NAV2: variants seen among roughly 807,000 people sequenced by gnomAD.
The protein encoded by NAV2 is helicase, APC down-regulated 1.
In NAV2, 54 loss-of-function variants were observed where a neutral mutation model predicts 223.2. The ratio of observed to expected loss-of-function variants is 0.24; its 90% CI spans 0.19 to 0.30. NAV2 has a LOEUF of 0.30. Ranked by LOEUF, NAV2 falls within the 10% of genes least tolerant of loss-of-function variation. NAV2 has a pLI of 1.00. For synonymous variants in NAV2, 1,279 were observed against 1,239.3 expected (o/e 1.03, Z -0.67); for missense variants, 2,806 against 3,147.5 (o/e 0.89, Z 2.60).
intron 1 of NAV2, among the ~76,000 whole-genome samples, chr11:19,578,935 C>G (rs1008877902): frequency 6.6e-6 from 1 of 152,108 alleles, no homozygotes; most frequent in Non-Finnish European, 1.5e-5. Flanking sequence ...TGTTCACACA[C>G]CCAAGATTAC....
In NAV2 at chr11:19,391,154, C is replaced by T. The variant is rs573262166; in HGVS notation, c.75+40127C>T. ...TTGCTCACACTGCCTCCTGCTGCCC[C>T]GGTCTCTCATTCTGATTAAACCTCA... On this transcript the variant is annotated intron_variant, in intron 1 of 37. Coordinates refer to the NAV2 transcript ENST00000360655. Among the ~76,000 whole-genome samples, 39 of 152,258 alleles carry T rather than the reference C, an allele frequency of 2.6e-4. 1 individual carries two copies. The South Asian group carries it at 4.4e-3, about 17-fold the overall frequency.
At chr11:19,348,991 A>T (rs965229398), upstream of NAV2, among the ~76,000 whole-genome samples, 3 of 152,194 alleles carry the variant, frequency 2.0e-5, no homozygotes, top group Non-Finnish European at 4.4e-5. Flanking sequence ...TTTGCAAAGG[A>T]TCCCTTGAAG....
upstream of NAV2, among the ~76,000 whole-genome samples, chr11:19,348,121 C>T (rs979568718): frequency 1.3e-5 from 2 of 152,174 alleles, no homozygotes; most frequent in African/African-American, 2.4e-5. Context: ...GTGGCGAGAG[C>T]GTCTGTCCCC....
At chr11:19,838,976 C>G (rs1411378763) in intron 2 of NAV2, among the ~76,000 whole-genome samples, 2 of 152,186 alleles carry the variant, frequency 1.3e-5, no homozygotes, top group South Asian at 2.1e-4. Context: ...CCAGACACCC[C>G]TGGAGCTGGG....
intron 18 of NAV2, 131 bp downstream of exon 18, chr11:20,054,371 A>G: frequency 1.2e-6 from 1 of 829,324 alleles, no homozygotes; most frequent in Non-Finnish European, 1.8e-6. Flanking sequence ...TAAGTTCTTT[A>G]GTGGTGATTT....
intron 7 of NAV2, among the ~76,000 whole-genome samples, chr11:19,938,060 C>A (rs1441918876): frequency 1.3e-5 from 2 of 152,038 alleles, no homozygotes; most frequent in Admixed American, 1.3e-4. Context: ...CAAAGATAAA[C>A]CTGTTAAAGC....
rs61876699 is a variant in NAV2, at chr11:19,652,635, G to A, written c.76-179849G>A. On this transcript the variant is annotated intron_variant, in intron 1 of 37. Coordinates refer to the NAV2 transcript ENST00000360655. The stretch of plus-strand genomic sequence containing the variant: ...AATCACTAGCACAGAAGGATGCGTG[G>A]TAAAAAGCACAAGTGTCGCTTTATC... 3.1e-3 allele frequency among the ~76,000 whole-genome samples: 471 copies of A among 152,276 alleles called. 4 individuals carry two copies. Among genetic ancestry groups the A allele is most frequent in the Non-Finnish European group, 5.1e-3 (344 of 68,032 alleles).
At chr11:19,999,461 C>A (rs1003179234) in intron 11 of NAV2, among the ~76,000 whole-genome samples, 1 of 152,166 alleles carries the variant, frequency 6.6e-6, no homozygotes, top group Admixed American at 6.5e-5. Context: ...CTCAGCCTCC[C>A]GGATTCAAGC....
intron 1 of NAV2, among the ~76,000 whole-genome samples, chr11:19,683,325 C>A (rs1437308275): frequency 1.3e-5 from 2 of 152,174 alleles, no homozygotes; most frequent in African/African-American, 2.4e-5. Flanking sequence ...AGCCTCATGG[C>A]AGCAGCTTAG....
At chr11:19,947,817 T>TG (rs1423282167) in intron 9 of NAV2, among the ~76,000 whole-genome samples, 1 of 152,084 alleles carries the variant, frequency 6.6e-6, no homozygotes, top group Non-Finnish European at 1.5e-5. Flanking sequence ...GCTTTTTGGA[T>TG]GAAATATGAG....
intron 1 of NAV2, among the ~76,000 whole-genome samples, chr11:19,481,546 C>G (rs1213139263): frequency 6.6e-6 from 1 of 152,214 alleles, no homozygotes; most frequent in Non-Finnish European, 1.5e-5. Flanking sequence ...GGGCAAAATA[C>G]TTAAGCCCTC....
At chr11:19,603,886 C>G (rs2046412753) in intron 1 of NAV2, among the ~76,000 whole-genome samples, 1 of 151,660 alleles carries the variant, frequency 6.6e-6, no homozygotes, top group South Asian at 2.1e-4. Context: ...TTGAGTAGAG[C>G]CTGAAGGAAG....
chr11:19,915,587 T>A (rs538530106), intron 6 of NAV2, among the ~76,000 whole-genome samples: 1 of 152,350 alleles, frequency 6.6e-6, no homozygotes, highest in South Asian at 2.1e-4. Flanking sequence ...CTCATCCTTC[T>A]TCCCACCAAG....
chr11:19,461,499 A>G (rs887124704), intron 1 of NAV2, among the ~76,000 whole-genome samples: 1 of 152,184 alleles, frequency 6.6e-6, no homozygotes, highest in Non-Finnish European at 1.5e-5. Flanking sequence ...GTTTCTACCC[A>G]CTGTGTAATT....
In NAV2 at chr11:20,107,723, G is replaced by A. The variant is rs1376089508; in HGVS notation, c.6901G>A (p.Asp2301Asn). The change falls in exon 36 of 38, where the codon GAC (aspartate) becomes AAC (asparagine). Residue 2301 changes from aspartate (D) to asparagine (N), a missense_variant. Coordinates refer to ENST00000349880, the MANE Select transcript of NAV2 (RefSeq NM_145117.5). Reference sequence around the variant, plus strand: ...GGACGGCTCGAGAGTGTGGTTCACCGACTTGTGGAACTATTCCATTATCCC... The same window carrying A: ...GGACGGCTCGAGAGTGTGGTTCACCAACTTGTGGAACTATTCCATTATCCC... ...DVDGSRVWFT[D>N]LWNYSIIPYL... is the part of the protein sequence containing the mutation. 6 of 1,614,044 alleles carry A rather than the reference G, an allele frequency of 3.7e-6. No individual in the cohort carries two copies. The highest frequency in any genetic ancestry group is 1.1e-5 in the South Asian group (1 of 91,084).
chr11:19,619,049 G>A (rs1412437028), intron 1 of NAV2, among the ~76,000 whole-genome samples: 1 of 146,944 alleles, frequency 6.8e-6, no homozygotes, highest in Admixed American at 6.9e-5. Context: ...CAGAATGATG[G>A]TTTCAATCTT....
intron 1 of NAV2, among the ~76,000 whole-genome samples, chr11:19,721,038 A>G (rs2050708565): frequency 6.6e-6 from 1 of 152,236 alleles, no homozygotes. Context: ...ACCAGGGCTG[A>G]CAGAGGTGAA....
intron 1 of NAV2, among the ~76,000 whole-genome samples, chr11:19,719,798 G>A (rs766394664): frequency 6.6e-6 from 1 of 152,184 alleles, no homozygotes; most frequent in Non-Finnish European, 1.5e-5. Context: ...GTCATATCTC[G>A]AGTTGTTAAT....
At chr11:19,755,985 A>G (rs1018632845) in intron 1 of NAV2, among the ~76,000 whole-genome samples, 100 of 152,230 alleles carry the variant, frequency 6.6e-4, no homozygotes, top group African/African-American at 2.4e-3. Flanking sequence ...GCTGGGCAGG[A>G]AAATCACAAC....
Sources: allele counts gnomAD v4.1 joint callset (sites outside exome capture counted in the v4.1 genomes callset), GRCh38; gene constraint gnomAD v4.1.1; transcripts MANE v1.5; gene names NCBI Gene and HGNC (gene_info 2026-07-23, HGNC 2026-07-21).